Variants in GSAP observed in about 807,000 individuals in gnomAD.
GSAP encodes the protein gamma-secretase activating protein, also known as gamma-secretase-activating protein.
A neutral mutation model predicts 131.7 loss-of-function variants in GSAP; 118 were observed. The observed-to-expected ratio is 0.90, with a 90% CI of 0.77 to 1.04. The LOEUF is 1.04. Among genes scored for constraint, GSAP ranks in the 50% least tolerant of loss-of-function variants. The pLI is 0.00. For missense variants in GSAP, 1,019 were observed against 1,013.2 expected, an observed-to-expected ratio of 1.01 and a Z score of -0.08; for synonymous variants, 381 against 363.4, an observed-to-expected ratio of 1.05 and a Z score of -0.55.
At chr7:77,365,167 T>C (rs1369427730) in intron 12 of GSAP, among the ~76,000 whole-genome samples, 1 of 135,364 alleles carries the variant, frequency 7.4e-6, no homozygotes. Context: ...AGGGTGGTCT[T>C]GAACTCCCTG....
intron 26 of GSAP, among the ~76,000 whole-genome samples, chr7:77,318,939 A>G (rs1787237445): frequency 6.7e-6 from 1 of 149,132 alleles, no homozygotes; most frequent in African/African-American, 2.5e-5. Flanking sequence ...GGGGGAAGGG[A>G]TAGCATTAGG....
rs759179233 is a variant in GSAP at position 77,387,454 on chromosome 7, G to A, written c.368-6C>T. ...CAAAGTCAAGCACTTTGATCCTACAGAGAAAAGAAGGCTTTTAGTAACGAA... is the reference window on the plus strand; with the variant it reads ...CAAAGTCAAGCACTTTGATCCTACAAAGAAAAGAAGGCTTTTAGTAACGAA... On this transcript the variant is annotated splice_polypyrimidine_tract_variant and splice_region_variant and intron_variant, in intron 5 of 30. Coordinates refer to ENST00000257626, the MANE Select transcript of GSAP (RefSeq NM_017439.4). 8.7e-6 allele frequency: 13 copies of A among 1,489,454 alleles called. No homozygotes were observed. The highest frequency in any genetic ancestry group is 2.8e-5 in the African/African-American group (2 of 72,488). The allele number at this position is 1,489,454 out of a possible 1,614,324, so 92.3% of individuals were successfully genotyped here.
chr7:77,377,400 C>CAAAAAAAAAA lies in GSAP; in HGVS notation c.577-20_577-11dup, dbSNP rs56314229. Reference sequence around the variant, plus strand: ...CAGAATTTTTAATCACCTAAAAATGCAAAAAAAAAAAAAAAAAAAAAAGTA... The same window carrying CAAAAAAAAAA: ...CAGAATTTTTAATCACCTAAAAATGCAAAAAAAAAAAAAAAAAAAAAAAAAAAAAAAAGTA... On this transcript the variant is annotated splice_polypyrimidine_tract_variant and intron_variant, in intron 8 of 30. Coordinates refer to ENST00000257626, the MANE Select transcript of GSAP (RefSeq NM_017439.4). 162 of 1,184,508 alleles carry CAAAAAAAAAA rather than the reference C, an allele frequency of 1.4e-4. No individual in the cohort carries two copies. Among genetic ancestry groups the CAAAAAAAAAA allele is most frequent in the East Asian group, 1.3e-3 (35 of 27,170 alleles). The allele number at this position is 1,184,508 out of a possible 1,614,324, so 73.4% of individuals were successfully genotyped here.
chr7:77,347,957 T>C (rs1421494164), intron 19 of GSAP, among the ~76,000 whole-genome samples: 1 of 147,888 alleles, frequency 6.8e-6, no homozygotes, highest in Admixed American at 6.8e-5. Flanking sequence ...ATTGAGATCA[T>C]CCTGGCAACA....
intron 26 of GSAP, among the ~76,000 whole-genome samples, chr7:77,317,503 G>A (rs1411963836): frequency 6.6e-6 from 1 of 152,108 alleles, no homozygotes; most frequent in Non-Finnish European, 1.5e-5. Context: ...TTGTGCACAT[G>A]TACCCTAGAA....
At chr7:77,318,015 G>A (rs1395270292) in intron 26 of GSAP, among the ~76,000 whole-genome samples, 1 of 152,202 alleles carries the variant, frequency 6.6e-6, no homozygotes, top group Non-Finnish European at 1.5e-5. Flanking sequence ...CGTATCAGAT[G>A]TGTCATAAAT....
chr7:77,387,987 A>G (rs1246318681), intron 5 of GSAP, among the ~76,000 whole-genome samples: 1 of 152,246 alleles, frequency 6.6e-6, no homozygotes, highest in Non-Finnish European at 1.5e-5. Context: ...CCCAATTATC[A>G]CAATTCTATG....
At chr7:77,326,311 T>A in intron 22 of GSAP, 38 bp from the exon 23 acceptor site, 1 of 1,420,058 alleles carries the variant, frequency 7.0e-7, no homozygotes, top group Non-Finnish European at 9.9e-7. Context: ...CTCTGAGCAG[T>A]TTTCAGGAGA....
chr7:77,409,831 AG>A (rs1279499751), intron 1 of GSAP, among the ~76,000 whole-genome samples: 3 of 152,236 alleles, frequency 2.0e-5, no homozygotes, highest in Admixed American at 6.5e-5. Context: ...TAATACTAAG[AG>A]AAAAAATTCT....
intron 14 of GSAP, among the ~76,000 whole-genome samples, chr7:77,359,059 C>T (rs147373867): frequency 0.013 from 2,011 of 151,988 alleles, 59 homozygotes; most frequent in African/African-American, 0.046. Context: ...TGGTGGCGTG[C>T]GCCTGTAATC....
Position 77,355,422 on chromosome 7 carries a change from C to T in GSAP, c.1129G>A (p.Glu377Lys). 1 of 1,444,878 alleles carries T rather than the reference C, an allele frequency of 6.9e-7. No individual in the cohort carries two copies. 89.5% of individuals were successfully genotyped at this position (1,444,878 alleles called of 1,614,324 possible). ...CHNLFLTGNNEMIDMLPHCPL... is the reference protein window; with the variant it reads ...CHNLFLTGNNKMIDMLPHCPL... ...CAATGAGGTAGCATATCAATCATTT[C>T]ATTATTTCCTGGCAAAAAAAAAAAA... The change falls in exon 16 of 31, where the codon GAA becomes AAA. Residue 377 changes from glutamate to lysine, a missense_variant. Transcript: ENST00000257626.
chr7:77,410,278 A>G (rs997502657), intron 1 of GSAP, among the ~76,000 whole-genome samples: 4 of 152,126 alleles, frequency 2.6e-5, no homozygotes, highest in African/African-American at 9.7e-5. Flanking sequence ...AAATAGACAA[A>G]TTTGGTAATG....
intron 12 of GSAP, among the ~76,000 whole-genome samples, chr7:77,368,408 T>C (rs928005121): frequency 9.8e-5 from 15 of 152,338 alleles, no homozygotes; most frequent in African/African-American, 3.4e-4. Flanking sequence ...TAAATTCAAA[T>C]AGCCACATGT....
chr7:77,326,370 T>C (rs1415375408), intron 22 of GSAP, 97 bp from the exon 23 acceptor site: 21 of 789,276 alleles, frequency 2.7e-5, no homozygotes, highest in Admixed American at 7.3e-5. Flanking sequence ...CTCTGAGTCA[T>C]TGAGAAAACA....
At chr7:77,320,967 T>C in intron 25 of GSAP, 148 bp from the exon 26 acceptor site, 1 of 633,408 alleles carries the variant, frequency 1.6e-6, no homozygotes, top group Admixed American at 2.7e-5. Context: ...AATATGAATG[T>C]GACCATCGGC....
At chr7:77,399,440 AAAGAG>A (rs1282325411) in intron 3 of GSAP, among the ~76,000 whole-genome samples, 1 of 152,208 alleles carries the variant, frequency 6.6e-6, no homozygotes, top group Non-Finnish European at 1.5e-5. Context: ...ACCCAGTGGA[AAAGAG>A]AAGAGTCCAT....
Position 77,406,015 on chromosome 7 carries a change from G to A in GSAP, c.186+14C>T. On this transcript the variant is annotated intron_variant, in intron 2 of 30. Coordinates refer to ENST00000257626, the MANE Select transcript of GSAP (RefSeq NM_017439.4). ...TTTTACATCTTACCACAATAAAAAA[G>A]AATATAGACATACCTTATAGGTATA... 1.1e-6 allele frequency: 1 copy of A among 883,340 alleles called. No individual in the cohort carries two copies. The highest frequency in any genetic ancestry group is 3.9e-5 in the Admixed American group (1 of 25,380). The allele number at this position is 883,340 out of a possible 1,614,324, so 54.7% of individuals were successfully genotyped here. A position where few individuals can be genotyped will look rare whatever the true frequency, so the allele number is the denominator to read the frequency against.
chr7:77,323,608 G>C (rs2150635222), intron 24 of GSAP, 39 bp downstream of exon 24: 1 of 982,432 alleles, frequency 1.0e-6, no homozygotes, highest in Non-Finnish European at 1.6e-6. Context: ...GGGGAGTGGG[G>C]TGAAGGGGCA....
At chr7:77,330,470 A>T in intron 19 of GSAP, 103 bp from the exon 20 acceptor site, 1 of 1,466,020 alleles carries the variant, frequency 6.8e-7, no homozygotes, top group East Asian at 2.5e-5. Context: ...CTCAGGGTCC[A>T]CATTTCTGAG....
Sources: gnomAD v4.1 joint callset for allele counts (sites outside exome capture counted in the v4.1 genomes callset) on GRCh38, gnomAD v4.1.1 for gene constraint, MANE v1.5 for transcripts, NCBI Gene and HGNC (gene_info 2026-07-23, HGNC 2026-07-21) for gene names.